CFAP20DC: variants seen among roughly 807,000 people sequenced by gnomAD.
The protein encoded by CFAP20DC is protein CFAP20DC.
A neutral mutation model predicts 101.7 loss-of-function variants in CFAP20DC; 84 were observed. That is an observed-to-expected ratio of 0.83 (90% CI 0.69 to 0.99). The LOEUF (loss-of-function observed/expected upper bound fraction) is 0.99, where lower values mean the gene tolerates loss of function less well. Ranked by LOEUF, CFAP20DC falls within the 50% of genes least tolerant of loss-of-function variation. The pLI is 0.00. For missense variants in CFAP20DC, 1,007 were observed against 970.3 expected (o/e 1.04, Z -0.50); for synonymous variants, 359 against 351.2 (o/e 1.02, Z -0.25).
intron 4 of CFAP20DC, among the ~76,000 whole-genome samples, chr3:58,943,505 A>C (rs2088918092): frequency 6.6e-6 from 1 of 152,212 alleles, no homozygotes; most frequent in Non-Finnish European, 1.5e-5. Context: ...AAAAACTAAC[A>C]AACAGAAAGG....
chr3:58,859,155 C>G lies in CFAP20DC; in HGVS notation c.1593+4403G>C, dbSNP rs1400067580. Among the ~76,000 whole-genome samples, 2 of 152,164 alleles carry G rather than the reference C, an allele frequency of 1.3e-5. 1 individual carries two copies. Among genetic ancestry groups the G allele is most frequent in the Middle Eastern group, 6.3e-3 (2 of 316 alleles). On this transcript the variant is annotated intron_variant, in intron 12 of 16. Transcript: ENST00000482387. The surrounding 1 kb of genome is among the most constrained non-coding windows in gnomAD (Gnocchi z 4.1). ...CAAATAAAATAAAAGGAAGATACCA[C>G]AGTTTTAAACAAGTAACTAACCTGC... is the stretch of plus-strand genomic sequence containing the variant.
intron 4 of CFAP20DC, chr3:59,017,358 T>G (rs1454927581): frequency 6.6e-6 from 1 of 152,090 alleles, no homozygotes; most frequent in Non-Finnish European, 1.5e-5. Context: ...CCAAAAAACT[T>G]GCGATTGAAG....
At chr3:58,911,802 G>A (rs951110165) in intron 6 of CFAP20DC, among the ~76,000 whole-genome samples, 9 of 152,046 alleles carry the variant, frequency 5.9e-5, no homozygotes, top group African/African-American at 1.9e-4. Flanking sequence ...CTCTGATTCA[G>A]TTTCTCCAGA....
downstream of CFAP20DC, among the ~76,000 whole-genome samples, chr3:58,716,901 C>A (rs1411015484): frequency 6.6e-6 from 1 of 151,892 alleles, no homozygotes. Flanking sequence ...AATAGGCCCA[C>A]TAGGCATTGT....
At chr3:58,873,754 A>T (rs2080484914) in intron 7 of CFAP20DC, among the ~76,000 whole-genome samples, 1 of 151,824 alleles carries the variant, frequency 6.6e-6, no homozygotes, top group African/African-American at 2.4e-5. Flanking sequence ...TTGAAGCAGA[A>T]GTCTGGATAG....
At chr3:58,855,625 C>T (rs1485490221) in intron 12 of CFAP20DC, among the ~76,000 whole-genome samples, 1 of 151,910 alleles carries the variant, frequency 6.6e-6, no homozygotes, top group Non-Finnish European at 1.5e-5. Context: ...GAAAATGTGG[C>T]ACAGATACAC....
chr3:58,831,844 C>T lies in CFAP20DC; in HGVS notation c.2017G>A (p.Glu673Lys), dbSNP rs753270017. 14 of 1,613,948 alleles carry T rather than the reference C, an allele frequency of 8.7e-6. No individual in the cohort carries two copies. The highest frequency in any genetic ancestry group is 2.2e-5 in the East Asian group (1 of 44,890). Residue 673 changes from glutamate to lysine, a missense_variant, in exon 14 of 17, where the codon GAG (glutamate) becomes AAG (lysine). Transcript: ENST00000482387. ...CGTAGGCTTGCTAGCATCTGTAACT[C>T]GGATTCACTCATCTGGCTTGGCTGA... is the stretch of plus-strand genomic sequence containing the variant. ...NYQPSQMSES[E>K]LQMLASLRWQ... is the part of the protein sequence containing the mutation.
chr3:58,934,467 C>A (rs546535730), intron 5 of CFAP20DC, among the ~76,000 whole-genome samples: 12 of 151,896 alleles, frequency 7.9e-5, no homozygotes, highest in Middle Eastern at 3.4e-3. Flanking sequence ...GAGACACAAC[C>A]AAAAAAGAGA....
chr3:59,006,178 G>A lies in CFAP20DC; in HGVS notation c.278+33379C>T, dbSNP rs1459144684. 6.6e-6 allele frequency among the ~76,000 whole-genome samples: 1 copy of A among 152,104 alleles called. No homozygotes were observed. The highest frequency in any genetic ancestry group is 6.6e-5 in the Admixed American group (1 of 15,266). ...ATGGACGGGGAGGAGGGGCGAATAG[G>A]TTAGAATGTAGACAGTGGCAAAAGG... On this transcript the variant is annotated intron_variant, in intron 4 of 16. Transcript: ENST00000482387. The surrounding 1 kb of genome is among the most constrained non-coding windows in gnomAD (Gnocchi z 4.3).
At position 58,869,194 on chromosome 3, in the gene CFAP20DC, C is replaced by A. The variant is rs976394501; in HGVS notation, c.1015+134G>T. 7 of 609,142 alleles carry A rather than the reference C, an allele frequency of 1.1e-5. No homozygotes were observed. Among genetic ancestry groups the A allele is most frequent in the Middle Eastern group, 4.4e-4 (1 of 2,298 alleles). 37.7% of individuals were successfully genotyped at this position (609,142 alleles called of 1,614,324 possible). On this transcript the variant is annotated intron_variant, in intron 9 of 16. Coordinates refer to ENST00000482387, the MANE Select transcript of CFAP20DC (RefSeq NM_001394063.1). The surrounding 1 kb of genome is among the most constrained non-coding windows in gnomAD (Gnocchi z 4.3). The stretch of plus-strand genomic sequence containing the variant: ...ATTTCAAATATATTTCAAAATCAAC[C>A]ACCCTTTTCATTATTAAATGACAAT...
At chr3:58,977,261 A>G (rs2092318239) in intron 4 of CFAP20DC, among the ~76,000 whole-genome samples, 1 of 152,174 alleles carries the variant, frequency 6.6e-6, no homozygotes, top group East Asian at 1.9e-4. Flanking sequence ...AAGTTACTGT[A>G]AAAACAGGAG....
intron 6 of CFAP20DC, among the ~76,000 whole-genome samples, chr3:58,904,902 T>A (rs2083455202): frequency 6.6e-6 from 1 of 152,182 alleles, no homozygotes. Flanking sequence ...CTATAAAGGT[T>A]TATTGAACGG....
At position 58,974,679 on chromosome 3, in the gene CFAP20DC, G is replaced by T. The variant is rs756128669; in HGVS notation, c.279-36917C>A. On this transcript the variant is annotated intron_variant, in intron 4 of 16. Transcript: ENST00000482387. The stretch of plus-strand genomic sequence containing the variant: ...TCCCATGGAACATAGGCTGTACAGG[G>T]GATTGGGGCCTCGAATTCTGGGTTA... 2.8e-4 allele frequency among the ~76,000 whole-genome samples: 43 copies of T among 152,214 alleles called. 1 individual carries two copies. The highest frequency in any genetic ancestry group is 3.4e-3 in the Middle Eastern group (1 of 294).
chr3:58,808,846 C>A (rs2074349829), intron 14 of CFAP20DC, among the ~76,000 whole-genome samples: 1 of 152,128 alleles, frequency 6.6e-6, no homozygotes, highest in Admixed American at 6.5e-5. Flanking sequence ...CACACATAGG[C>A]TCAAAATAAG....
chr3:58,847,501 A>G (rs1488946731), intron 13 of CFAP20DC, among the ~76,000 whole-genome samples: 1 of 150,532 alleles, frequency 6.6e-6, no homozygotes, highest in East Asian at 2.0e-4. Flanking sequence ...GGCAATCATT[A>G]AAAAGTCAGG....
chr3:58,795,829 T>C lies in CFAP20DC; in HGVS notation c.2237+10566A>G, dbSNP rs9832779. On this transcript the variant is annotated intron_variant, in intron 15 of 16. Coordinates refer to ENST00000482387, the MANE Select transcript of CFAP20DC (RefSeq NM_001394063.1). The surrounding 1 kb of genome is among the most constrained non-coding windows in gnomAD (Gnocchi z 4.2). ...GAAAATTAATTAGTATTTCCCAGTC[T>C]TAATGCCTTTAGACTCTCACAGAGT... Among the ~76,000 whole-genome samples, 1,506 of 152,268 alleles carry C rather than the reference T, an allele frequency of 9.9e-3. 22 individuals are homozygous for C. The highest frequency in any genetic ancestry group is 0.035 in the African/African-American group (1,456 of 41,536).
chr3:58,821,204 T>A (rs1172061931), intron 14 of CFAP20DC, among the ~76,000 whole-genome samples: 1 of 152,070 alleles, frequency 6.6e-6, no homozygotes, highest in Non-Finnish European at 1.5e-5. Context: ...GAAGAAAACC[T>A]AGGCATTACC....
In CFAP20DC at chr3:58,933,520, A is replaced by G. The variant is rs548587542; in HGVS notation, c.393+4128T>C. On this transcript the variant is annotated intron_variant, in intron 5 of 16. Coordinates refer to ENST00000482387, the MANE Select transcript of CFAP20DC (RefSeq NM_001394063.1). ...ATTCCAAAATTGACCACATAGTTGGAAGTAAAGCTCTCCTCAGCAAATGTA... is the reference window on the plus strand; with the variant it reads ...ATTCCAAAATTGACCACATAGTTGGGAGTAAAGCTCTCCTCAGCAAATGTA... Among the ~76,000 whole-genome samples the G allele has an allele frequency of 7.2e-4, 110 of 152,320 alleles. No homozygotes were observed. In the East Asian group the frequency reaches 0.012, roughly 17 times the overall value.
At chr3:58,771,432 A>G (rs2070834760) in intron 15 of CFAP20DC, among the ~76,000 whole-genome samples, 1 of 152,078 alleles carries the variant, frequency 6.6e-6, no homozygotes. Context: ...AAAAACAAAA[A>G]CAAACAAAAA....
Sources: gnomAD v4.1 joint callset for allele counts (sites outside exome capture counted in the v4.1 genomes callset) on GRCh38, gnomAD v4.1.1 for gene constraint, Gnocchi (gnomAD v3.1) non-coding constraint, MANE v1.5 for transcripts, NCBI Gene and HGNC (gene_info 2026-07-23, HGNC 2026-07-21) for gene names.